Variants in SPTBN1 observed in about 807,000 individuals in gnomAD.
The protein encoded by SPTBN1 is spectrin beta chain, non-erythrocytic 1.
In SPTBN1, 32 loss-of-function variants were observed where a neutral mutation model predicts 266.4. That is an observed-to-expected ratio of 0.12 (90% confidence interval 0.09 to 0.16). The LOEUF (loss-of-function observed/expected upper bound fraction) is 0.16. SPTBN1 is among the 10% of genes least tolerant of loss of function. The pLI is 1.00. For synonymous variants in SPTBN1, 1,336 were observed against 1,162.2 expected, an observed-to-expected ratio of 1.15 and a Z score of -3.04; for missense variants, 2,296 against 3,067.1, an observed-to-expected ratio of 0.75 and a Z score of 5.94.
chr2:54,533,828 G>A lies in SPTBN1; in HGVS notation c.148+7262G>A, dbSNP rs999767819. Among the ~76,000 whole-genome samples, 7 of 152,238 alleles carry A rather than the reference G, an allele frequency of 4.6e-5. No individual in the cohort carries two copies. In the South Asian group the frequency reaches 1.2e-3, roughly 27 times the overall value. On this transcript the variant is annotated intron_variant, in intron 2 of 35. Transcript: ENST00000356805. This position sits in a 1 kb window ranked among gnomAD's most constrained non-coding sequence, Gnocchi z 4.2. ...GGCCTCCCAAAGTGCTGGGATTACA[G>A]GCGTGAGCCTCCACGCCCGGCCTGC...
chr2:54,662,422 A>C (rs1681107793), intron 32 of SPTBN1: 1 of 690,198 alleles, frequency 1.4e-6, no homozygotes, highest in African/African-American at 2.0e-5. Flanking sequence ...TTTGCTGCAG[A>C]ATTATCCTCA....
Position 54,649,956 on chromosome 2 carries a change from A to G in SPTBN1, c.5544A>G (p.Thr1848=), listed in dbSNP as rs774894253. The change falls in exon 26 of 36, where the codon ACA becomes ACG. Residue 1848 remains threonine (T), a synonymous_variant. Transcript: ENST00000356805. The surrounding 1 kb of genome is among the most constrained non-coding windows in gnomAD (Gnocchi z 6.7). ...TVETLQRMHT[T]FEHDIQALGT... The stretch of plus-strand genomic sequence containing the variant: ...AGACCTTACAGAGAATGCACACTAC[A>G]TTTGAGCATGACATCCAGGCTCTGG... 43 of 1,612,638 alleles carry G rather than the reference A, an allele frequency of 2.7e-5. No individual in the cohort carries two copies. The highest frequency in any genetic ancestry group is 1.6e-4 in the Middle Eastern group (1 of 6,082).
At chr2:54,639,694 G>A (rs535009899) in intron 18 of SPTBN1, among the ~76,000 whole-genome samples, 12 of 152,320 alleles carry the variant, frequency 7.9e-5, no homozygotes, top group Admixed American at 7.2e-4. Flanking sequence ...GTCTTAATAG[G>A]TCTTTAGATC....
rs542743367 is a variant in SPTBN1, at chr2:54,659,015, G to C, written c.6244-139G>C. 8 of 795,068 alleles carry C rather than the reference G, an allele frequency of 1.0e-5. No homozygotes were observed. In the African/African-American group the frequency reaches 1.2e-4, roughly 12 times the overall value. The allele number at this position is 795,068 out of a possible 1,614,324, so 49.3% of individuals were successfully genotyped here. On this transcript the variant is annotated intron_variant, in intron 30 of 35. Coordinates refer to ENST00000356805, the MANE Select transcript of SPTBN1 (RefSeq NM_003128.3). ...GTTCCTGTGAACCTAATTCCATTTG[G>C]CTCAGGATGTTAGAGCTTCTTGTCC...
chr2:54,653,520 A>C lies in SPTBN1; in HGVS notation c.5578-89A>C. ...CATATTTTGACTCTGTGCTCCCTTT[A>C]GTGTATGAGCAGAACAGAATAGGGC... On this transcript the variant is annotated intron_variant, in intron 26 of 35. Transcript: ENST00000356805. This position sits in a 1 kb window ranked among gnomAD's most constrained non-coding sequence, Gnocchi z 5.1. 6.5e-7 allele frequency: 1 copy of C among 1,535,004 alleles called. No individual in the cohort carries two copies. Among genetic ancestry groups the C allele is most frequent in the Non-Finnish European group, 8.7e-7 (1 of 1,147,870 alleles).
At chr2:54,600,923 G>A (rs1395264724) in intron 3 of SPTBN1, among the ~76,000 whole-genome samples, 1 of 151,690 alleles carries the variant, frequency 6.6e-6, no homozygotes, top group East Asian at 1.9e-4. Context: ...TTTATACCAA[G>A]AAGATTGTGT....
chr2:54,653,209 T>A lies in SPTBN1; in HGVS notation c.5578-400T>A, dbSNP rs1330149977. On this transcript the variant is annotated intron_variant, in intron 26 of 35. Transcript: ENST00000356805. This position sits in a 1 kb window ranked among gnomAD's most constrained non-coding sequence, Gnocchi z 5.1. ...GAGAAGTCATTTTCAAAATGTGCTC[T>A]TCATGGCAGTTTCCCATTCATCATA... The A allele has an allele frequency of 5.9e-6, 1 of 169,058 alleles. No homozygotes were observed. Among genetic ancestry groups the A allele is most frequent in the Non-Finnish European group, 1.3e-5 (1 of 79,642 alleles). The allele number at this position is 169,058 out of a possible 1,614,324, so 10.5% of individuals were successfully genotyped here. A position where few individuals can be genotyped will look rare whatever the true frequency, so the allele number is the denominator to read the frequency against.
At chr2:54,528,033 G>A (rs902634309) in intron 2 of SPTBN1, 1 of 152,630 alleles carries the variant, frequency 6.6e-6, no homozygotes, top group Non-Finnish European at 1.5e-5. Flanking sequence ...CTTGAGTGGT[G>A]TTGATTTAAA....
intron 1 of SPTBN1, among the ~76,000 whole-genome samples, chr2:54,518,519 G>T (rs1323531728): frequency 2.6e-5 from 4 of 151,520 alleles, no homozygotes; most frequent in Non-Finnish European, 4.4e-5. Flanking sequence ...GAACAGTTGA[G>T]ATAGTTGAAG....
intron 3 of SPTBN1, among the ~76,000 whole-genome samples, chr2:54,599,606 T>C (rs907159799): frequency 6.6e-6 from 1 of 152,208 alleles, no homozygotes; most frequent in African/African-American, 2.4e-5. Context: ...GAATGTTTTC[T>C]AAATTTGTGT....
intron 18 of SPTBN1, among the ~76,000 whole-genome samples, chr2:54,639,532 C>A (rs1323357681): frequency 6.6e-6 from 1 of 152,192 alleles, no homozygotes; most frequent in Non-Finnish European, 1.5e-5. Flanking sequence ...AATGAGTGGC[C>A]AGGGGAACCC....
At chr2:54,624,985 A>C (rs1425711828) in intron 11 of SPTBN1, 23 bp downstream of exon 11, 1 of 1,559,216 alleles carries the variant, frequency 6.4e-7, no homozygotes, top group African/African-American at 1.4e-5. Flanking sequence ...ACATTATTAA[A>C]AAGACTGTTG....
At chr2:54,570,485 G>T (rs1673980362) in intron 2 of SPTBN1, among the ~76,000 whole-genome samples, 1 of 152,228 alleles carries the variant, frequency 6.6e-6, no homozygotes, top group Admixed American at 6.5e-5. Context: ...TGGAGGCTCT[G>T]TTCTACGCTG....
At chr2:54,600,509 T>G (rs1676429370) in intron 3 of SPTBN1, among the ~76,000 whole-genome samples, 1 of 151,948 alleles carries the variant, frequency 6.6e-6, no homozygotes, top group Non-Finnish European at 1.5e-5. Flanking sequence ...GGTCTGGGGG[T>G]GAGGGAGTGG....
At chr2:54,564,424 G>A (rs759381288) in intron 2 of SPTBN1, among the ~76,000 whole-genome samples, 8 of 152,104 alleles carry the variant, frequency 5.3e-5, no homozygotes, top group Non-Finnish European at 7.4e-5. Flanking sequence ...GTCTGCTTTA[G>A]TCTCTTTTCA....
intron 1 of SPTBN1, among the ~76,000 whole-genome samples, chr2:54,493,788 G>A (rs1668818790): frequency 1.3e-5 from 2 of 152,322 alleles, no homozygotes; most frequent in South Asian, 4.1e-4. Context: ...AGGTGAAATT[G>A]CTTTTCTTTG....
In SPTBN1 at chr2:54,649,653, C is replaced by G. The variant is rs146408919; in HGVS notation, c.5241C>G (p.Thr1747=). 6.2e-7 allele frequency: 1 copy of G among 1,611,634 alleles called. No homozygotes were observed. The highest frequency in any genetic ancestry group is 1.1e-5 in the South Asian group (1 of 91,040). The change falls in exon 26 of 36, where the codon ACC becomes ACG. Residue 1747 remains threonine (T), a synonymous_variant. Coordinates refer to ENST00000356805, the MANE Select transcript of SPTBN1 (RefSeq NM_003128.3). This position sits in a 1 kb window ranked among gnomAD's most constrained non-coding sequence, Gnocchi z 6.7. ...GATTCCGGGAGTTTGCCCGAGACAC[C>G]GGGAACATTGGGCAGGAGCGCGTGG... The part of the protein sequence containing the change: ...QERFREFARD[T]GNIGQERVDT...
In SPTBN1 at chr2:54,624,951, C is replaced by T. The variant is rs1678228848; in HGVS notation, c.1330C>T (p.Leu444=). The T allele has an allele frequency of 1.2e-6, 2 of 1,604,738 alleles. No individual in the cohort carries two copies. Among genetic ancestry groups the T allele is most frequent in the African/African-American group, 2.7e-5 (2 of 74,238 alleles). The change falls in exon 11 of 36, where the codon CTG becomes TTG. Residue 444 remains leucine (L), a synonymous_variant. Transcript: ENST00000356805. ...GACTTGGCTGAGCGAAAACCAGCGT[C>T]TGGTGTCTCAGGTTCTGCTCTTGAC... ...RETWLSENQR[L]VSQDNFGFDL...
intron 1 of SPTBN1, among the ~76,000 whole-genome samples, chr2:54,484,511 T>A (rs1376063761): frequency 1.3e-5 from 2 of 152,162 alleles, no homozygotes; most frequent in Non-Finnish European, 2.9e-5. Flanking sequence ...TAACTTCTCC[T>A]AAGAACAGGA....
Sources: gnomAD v4.1 joint callset for allele counts (sites outside exome capture counted in the v4.1 genomes callset) on GRCh38, gnomAD v4.1.1 for gene constraint, Gnocchi (gnomAD v3.1) non-coding constraint, MANE v1.5 for transcripts, NCBI Gene and HGNC (gene_info 2026-07-23, HGNC 2026-07-21) for gene names.